The following SLC26A5 variants were observed in gnomAD, a reference collection of about 807,000 sequenced individuals.
SLC26A5 encodes the protein solute carrier family 26 member 5.
In SLC26A5, 51 loss-of-function variants were observed where a neutral mutation model predicts 81.0. That is an observed-to-expected ratio of 0.63 (90% CI 0.50 to 0.80). The LOEUF (loss-of-function observed/expected upper bound fraction) is 0.80. SLC26A5 is among the 30% of genes least tolerant of loss of function. The pLI is 0.00. For synonymous variants in SLC26A5, 325 were observed against 332.8 expected (o/e 0.98, Z 0.25); for missense variants, 771 against 905.8 (o/e 0.85, Z 1.91).
chr7:103,359,138 C>CTTTTTTTTTTTTTTTTTT (rs35936603), intron 19 of SLC26A5, among the ~76,000 whole-genome samples: 3 of 31,334 alleles, frequency 9.6e-5, no homozygotes, highest in Non-Finnish European at 1.7e-4. Context: ...CCATGTCTGG[C>CTTTTTTTTTTTTTTTTTT]TTTTTTTTTT....
At chr7:103,418,134 C>G (rs1395237844) in intron 4 of SLC26A5, among the ~76,000 whole-genome samples, 1 of 152,194 alleles carries the variant, frequency 6.6e-6, no homozygotes, top group East Asian at 1.9e-4. Context: ...CTCCTCTTCA[C>G]CATCCCCACA....
chr7:103,420,778 C>G lies in SLC26A5; in HGVS notation c.252G>C (p.Leu84Phe), dbSNP rs1308533296. The change falls in exon 4 of 20, where the codon TTG (leucine) becomes TTC (phenylalanine). Residue 84 changes from leucine to phenylalanine, a missense_variant. Leu to Phe is a conservative substitution (Grantham distance 22). Coordinates refer to ENST00000306312, the MANE Select transcript of SLC26A5 (RefSeq NM_198999.3). ...YKFKEYVLGD[L>F]VSGISTGVLQ... ...GCACCCCTGTGCTTATGCCTGAGAC[C>G]AAGTCACCCAACACATATTCCTTGA... 1.9e-6 allele frequency: 3 copies of G among 1,614,118 alleles called. No individual in the cohort carries two copies. Among genetic ancestry groups the G allele is most frequent in the South Asian group, 1.1e-5 (1 of 91,086 alleles).
chr7:103,368,007 T>A, intron 19 of SLC26A5: 1 of 1,613,876 alleles, frequency 6.2e-7, no homozygotes, highest in Non-Finnish European at 8.5e-7. Context: ...GGTCATTAAG[T>A]CTTATGCCAA....
rs1250711525 is a variant in SLC26A5 at position 103,367,840 on chromosome 7, G to T, written c.2041+8968C>A. On this transcript the variant is annotated intron_variant, in intron 19 of 19. Transcript: ENST00000339444. The surrounding 1 kb of genome is among the most constrained non-coding windows in gnomAD (Gnocchi z 6.1). ...TAGAAAGTTCTTGCTTATATTTGCT[G>T]GTCTGTCTGCTCAGGCTGCTTTAAT... is the stretch of plus-strand genomic sequence containing the variant. 6.2e-7 allele frequency: 1 copy of T among 1,612,104 alleles called. No homozygotes were observed. Among genetic ancestry groups the T allele is most frequent in the Non-Finnish European group, 8.5e-7 (1 of 1,179,206 alleles).
At position 103,374,515 on chromosome 7, in the gene SLC26A5, G is replaced by T; in HGVS notation, c.2119C>A (p.His707Asn). Residue 707 changes from histidine (H) to asparagine (N), a missense_variant, in exon 20 of 20, where the codon CAT (histidine) becomes AAT (asparagine). Coordinates refer to ENST00000306312, the MANE Select transcript of SLC26A5 (RefSeq NM_198999.3). Reference protein sequence around the residue: ...ALWELLFHSIHDAVLGSQLRE... With the variant: ...ALWELLFHSINDAVLGSQLRE... The stretch of plus-strand genomic sequence containing the variant: ...AGTTGGCTGCCTAAAACTGCATCAT[G>T]AATGCTGTGGAACAGCAGCTCCCAT... 6.2e-7 allele frequency: 1 copy of T among 1,613,966 alleles called. No individual in the cohort carries two copies. The highest frequency in any genetic ancestry group is 8.5e-7 in the Non-Finnish European group (1 of 1,180,006).
chr7:103,422,995 C>T (rs1825464999), intron 2 of SLC26A5, among the ~76,000 whole-genome samples: 1 of 148,386 alleles, frequency 6.7e-6, no homozygotes, highest in African/African-American at 2.6e-5. Flanking sequence ...GGCATGGAGG[C>T]TCACACCTGT....
chr7:103,366,260 C>T (rs1820713764), intron 19 of SLC26A5: 2 of 1,068,682 alleles, frequency 1.9e-6, no homozygotes, highest in Non-Finnish European at 2.8e-6. Context: ...AGAATTTTAA[C>T]TCCAACTCTT....
intron 2 of SLC26A5, among the ~76,000 whole-genome samples, chr7:103,442,262 C>T (rs1028788227): frequency 2.6e-5 from 4 of 152,088 alleles, no homozygotes; most frequent in Non-Finnish European, 5.9e-5. Context: ...TTCAGCCTCC[C>T]GAGTAGTTGG....
downstream of SLC26A5, among the ~76,000 whole-genome samples, chr7:103,371,731 T>C (rs1821051942): frequency 1.3e-5 from 2 of 149,940 alleles, no homozygotes; most frequent in Non-Finnish European, 3.0e-5. Flanking sequence ...AGTCTTGCTC[T>C]GACACCCAGG....
intron 7 of SLC26A5, 120 bp from the exon 8 acceptor site, chr7:103,408,123 T>G (rs889986599): frequency 8.2e-6 from 11 of 1,349,174 alleles, no homozygotes; most frequent in Non-Finnish European, 9.4e-6. Flanking sequence ...AGTGGAAAGT[T>G]CCAAGGCTGA....
At chr7:103,413,191 T>C in intron 4 of SLC26A5, 79 bp from the exon 5 acceptor site, 2 of 961,876 alleles carry the variant, frequency 2.1e-6, no homozygotes, top group East Asian at 5.1e-5. Flanking sequence ...CTTGGTTCTT[T>C]ATTTCTGATG....
chr7:103,422,459 ATTAT>A (rs1167584611), intron 2 of SLC26A5, among the ~76,000 whole-genome samples: 1 of 151,682 alleles, frequency 6.6e-6, no homozygotes, highest in Non-Finnish European at 1.5e-5. Flanking sequence ...AGAGGATTCA[ATTAT>A]TTAAAGTTTA....
chr7:103,375,101 C>CAT (rs566346407), intron 19 of SLC26A5, among the ~76,000 whole-genome samples: 11,601 of 145,512 alleles, frequency 0.08, 650 homozygotes, highest in South Asian at 0.19. Flanking sequence ...CATATATATA[C>CAT]ATATATATAT....
At chr7:103,398,313 C>T (rs866177851) in intron 8 of SLC26A5, among the ~76,000 whole-genome samples, 3 of 152,158 alleles carry the variant, frequency 2.0e-5, no homozygotes, top group South Asian at 2.1e-4. Flanking sequence ...GCCTTTCAAA[C>T]GTTGACCTTA....
At chr7:103,369,679 T>G (rs1820917395), downstream of SLC26A5, among the ~76,000 whole-genome samples, 1 of 152,192 alleles carries the variant, frequency 6.6e-6, no homozygotes, top group Non-Finnish European at 1.5e-5. Flanking sequence ...TACCAGTAAC[T>G]TCCTCCACCT....
At chr7:103,388,855 C>T (rs1822415068) in intron 14 of SLC26A5, 153 bp downstream of exon 14, 3 of 665,354 alleles carry the variant, frequency 4.5e-6, no homozygotes, top group South Asian at 3.0e-5. Flanking sequence ...TTCATCTAGT[C>T]AACAGGCTAC....
At chr7:103,431,225 C>T (rs1489308271) in intron 2 of SLC26A5, among the ~76,000 whole-genome samples, 1 of 152,134 alleles carries the variant, frequency 6.6e-6, no homozygotes, top group Non-Finnish European at 1.5e-5. Flanking sequence ...GATAAAATTG[C>T]AAGTATTATG....
At chr7:103,380,393 C>A in intron 15 of SLC26A5, 87 bp downstream of exon 15, 2 of 1,086,860 alleles carry the variant, frequency 1.8e-6, no homozygotes, top group South Asian at 1.3e-5. Flanking sequence ...CCCATCTTAC[C>A]CCTACTTTTT....
intron 19 of SLC26A5, among the ~76,000 whole-genome samples, chr7:103,353,763 G>A (rs1191411668): frequency 6.6e-6 from 1 of 152,130 alleles, no homozygotes; most frequent in Non-Finnish European, 1.5e-5. Flanking sequence ...TTGAGTCCAG[G>A]AACTATTTGA....
Sources: allele counts gnomAD v4.1 joint callset (sites outside exome capture counted in the v4.1 genomes callset), GRCh38; gene constraint gnomAD v4.1.1; non-coding constraint Gnocchi (gnomAD v3.1); transcripts MANE v1.5; gene names NCBI Gene and HGNC (gene_info 2026-07-23, HGNC 2026-07-21).